Variants in OSBPL11 observed in about 807,000 individuals in gnomAD.
OSBPL11 encodes the protein oxysterol binding protein like 11.
In OSBPL11, 33 loss-of-function variants were observed where a neutral mutation model predicts 84.4. The ratio of observed to expected loss-of-function variants is 0.39; its 90% CI spans 0.30 to 0.52. OSBPL11 has a LOEUF of 0.52. OSBPL11 is among the 20% of genes least tolerant of loss of function. The pLI is 0.72. For synonymous variants in OSBPL11, 276 were observed against 310.2 expected (o/e 0.89, Z 1.16); for missense variants, 736 against 901.1 (o/e 0.82, Z 2.35).
At chr3:125,572,978 T>C (rs1039913466) in intron 5 of OSBPL11, among the ~76,000 whole-genome samples, 1 of 147,906 alleles carries the variant, frequency 6.8e-6, no homozygotes, top group South Asian at 2.1e-4. Flanking sequence ...TAGTAAGATA[T>C]ATATCTATAG....
At chr3:125,542,473 T>C (rs1935744976) in intron 10 of OSBPL11, among the ~76,000 whole-genome samples, 1 of 150,980 alleles carries the variant, frequency 6.6e-6, no homozygotes, top group Non-Finnish European at 1.5e-5. Context: ...GTAGCTGGGA[T>C]TATAGGCATG....
chr3:125,549,275 C>T (rs759512818), intron 9 of OSBPL11, among the ~76,000 whole-genome samples: 7 of 152,192 alleles, frequency 4.6e-5, no homozygotes, highest in African/African-American at 4.8e-5. Context: ...CCACCCACCT[C>T]GGGCTCCCAA....
At chr3:125,567,332 A>G in intron 6 of OSBPL11, 62 bp downstream of exon 6, 1 of 1,364,344 alleles carries the variant, frequency 7.3e-7, no homozygotes, top group South Asian at 1.3e-5. Flanking sequence ...AATTACAACA[A>G]ATACAGTCCT....
intron 2 of OSBPL11, 152 bp from the exon 3 acceptor site, chr3:125,580,192 A>G: frequency 1.4e-6 from 1 of 694,364 alleles, no homozygotes; most frequent in Non-Finnish European, 2.4e-6. Flanking sequence ...CACTACACTG[A>G]ATTTTCCAGC....
At chr3:125,549,111 T>C (rs1935862629) in intron 9 of OSBPL11, among the ~76,000 whole-genome samples, 1 of 151,986 alleles carries the variant, frequency 6.6e-6, no homozygotes, top group Non-Finnish European at 1.5e-5. Flanking sequence ...AACTTCTGCC[T>C]CCCGGGTTCA....
Position 125,531,934 on chromosome 3 carries a change from T to C in OSBPL11, c.2105A>G (p.Glu702Gly). 1.2e-6 allele frequency: 2 copies of C among 1,614,176 alleles called. No homozygotes were observed. The highest frequency in any genetic ancestry group is 8.5e-7 in the Non-Finnish European group (1 of 1,180,018). Residue 702 changes from glutamate (E) to glycine (G), a missense_variant, in exon 12 of 13, where the codon GAA becomes GGA. By Grantham distance (98) the Glu-to-Gly change is moderately conservative. This residue lies in a region of OSBPL11 where 579 missense variants were observed against 717.6 expected (regional missense o/e 0.81). Transcript: ENST00000296220. ...ATGCCTTTCTTCAGTCCTCTGACGT[T>C]CTTCCAGGGTATGCTTATGCTCTGT... Reference protein sequence around the residue: ...KATEHKHTLEERQRTEERHRT... With the variant: ...KATEHKHTLEGRQRTEERHRT...
intron 10 of OSBPL11, among the ~76,000 whole-genome samples, chr3:125,539,734 C>G (rs1239379464): frequency 6.6e-6 from 1 of 152,148 alleles, no homozygotes; most frequent in African/African-American, 2.4e-5. Context: ...CAGGCGTGAG[C>G]CACTGCGCCT....
At chr3:125,567,708 C>G in intron 5 of OSBPL11, 113 bp from the exon 6 acceptor site, 1 of 822,072 alleles carries the variant, frequency 1.2e-6, no homozygotes, top group Non-Finnish European at 1.9e-6. Flanking sequence ...TAAAGACCTA[C>G]TAGGCTAGGC....
At chr3:125,566,394 C>T (rs1184738740) in intron 6 of OSBPL11, among the ~76,000 whole-genome samples, 1 of 152,138 alleles carries the variant, frequency 6.6e-6, no homozygotes, top group Non-Finnish European at 1.5e-5. Flanking sequence ...AACTGATTGG[C>T]CTTTCTCAAT....
intron 10 of OSBPL11, among the ~76,000 whole-genome samples, chr3:125,546,921 A>G (rs988549458): frequency 1.3e-5 from 2 of 152,126 alleles, no homozygotes; most frequent in African/African-American, 2.4e-5. Context: ...AAATGCATCA[A>G]TATCATTGAC....
chr3:125,579,631 A>G (rs1334237226), intron 3 of OSBPL11, among the ~76,000 whole-genome samples: 1 of 152,226 alleles, frequency 6.6e-6, no homozygotes, highest in Non-Finnish European at 1.5e-5. Flanking sequence ...TTTCACCTAC[A>G]CCGTTTTTCA....
chr3:125,537,910 A>T (rs1935665808), intron 11 of OSBPL11, among the ~76,000 whole-genome samples: 1 of 152,296 alleles, frequency 6.6e-6, no homozygotes, highest in Middle Eastern at 3.4e-3. Context: ...AACCTCTACA[A>T]AGATTGCACT....
At chr3:125,561,971 A>G (rs939883229) in intron 7 of OSBPL11, among the ~76,000 whole-genome samples, 1 of 152,208 alleles carries the variant, frequency 6.6e-6, no homozygotes, top group Non-Finnish European at 1.5e-5. Flanking sequence ...GTTCAAAATT[A>G]CCAGGCAAGC....
chr3:125,583,906 G>C (rs1192580231), intron 1 of OSBPL11, among the ~76,000 whole-genome samples: 1 of 152,102 alleles, frequency 6.6e-6, no homozygotes, highest in East Asian at 1.9e-4. Flanking sequence ...TAGAAAAGCA[G>C]AGAGCTATAT....
chr3:125,547,282 A>T (rs1935834245), intron 10 of OSBPL11, 124 bp downstream of exon 10: 1 of 769,746 alleles, frequency 1.3e-6, no homozygotes, highest in Admixed American at 3.5e-5. Flanking sequence ...AAATATTTTA[A>T]ATAAGAAATA....
In OSBPL11 at chr3:125,560,506, A is replaced by G; in HGVS notation, c.1028T>C (p.Ile343Thr). The change falls in exon 8 of 13, where the codon ATA becomes ACA. Residue 343 changes from isoleucine (I) to threonine (T), a missense_variant. Coordinates refer to ENST00000296220, the MANE Select transcript of OSBPL11 (RefSeq NM_022776.5). The part of the protein sequence containing the change: ...SGLLAREPEE[I>T]NADDEIEDTC... ...ATCCTCTATCTCATCATCTGCATTT[A>G]TTTCTTCAGGCTCCTTGATGGAAAA... 6.4e-7 allele frequency: 1 copy of G among 1,574,678 alleles called. No individual in the cohort carries two copies. Among genetic ancestry groups the G allele is most frequent in the Non-Finnish European group, 8.6e-7 (1 of 1,158,068 alleles).
rs553427329 is a variant in OSBPL11 at position 125,575,172 on chromosome 3, TATATATTCTATATGTTCTATAC to T, written c.666+995_666+1016del. Among the ~76,000 whole-genome samples, 121 of 152,296 alleles carry T rather than the reference TATATATTCTATATGTTCTATAC, an allele frequency of 7.9e-4. No homozygotes were observed. The East Asian group carries it at 0.022, about 28-fold the overall frequency. ...GAGAATTCCGTTGTGTTCTGTAATA[TATATATTCTATATGTTCTATAC>T]ATATATTTGGAACTTAATATTTAGA... On this transcript the variant is annotated intron_variant, in intron 5 of 12. Coordinates refer to ENST00000296220, the MANE Select transcript of OSBPL11 (RefSeq NM_022776.5).
chr3:125,554,723 A>T (rs1319540403), intron 8 of OSBPL11, among the ~76,000 whole-genome samples: 1 of 152,156 alleles, frequency 6.6e-6, no homozygotes, highest in Non-Finnish European at 1.5e-5. Context: ...AAAATCAGAA[A>T]ATTTAAAAAC....
At chr3:125,551,057 G>C (rs1430851377) in intron 9 of OSBPL11, among the ~76,000 whole-genome samples, 1 of 151,664 alleles carries the variant, frequency 6.6e-6, no homozygotes, top group South Asian at 2.1e-4. Flanking sequence ...CTAGCTACTT[G>C]GGAGGCTGAG....
Sources: gnomAD v4.1 joint callset for allele counts (sites outside exome capture counted in the v4.1 genomes callset) on GRCh38, gnomAD v4.1.1 for gene constraint, gnomAD v4.1.1 regional missense constraint, MANE v1.5 for transcripts, NCBI Gene and HGNC (gene_info 2026-07-23, HGNC 2026-07-21) for gene names.